Variants in ST6GALNAC3 observed in about 807,000 individuals in gnomAD.
ST6GALNAC3 encodes the protein ST6 N-acetylgalactosaminide alpha-2,6-sialyltransferase 3.
Under a neutral mutation model 32.7 loss-of-function variants are expected in ST6GALNAC3, and 25 were observed. The ratio of observed to expected loss-of-function variants is 0.76; its 90% CI spans 0.56 to 1.07. The LOEUF is 1.07. Among genes scored for constraint, ST6GALNAC3 ranks in the 50% least tolerant of loss-of-function variants. The pLI is 0.00. For missense variants in ST6GALNAC3, 355 were observed against 382.4 expected, an observed-to-expected ratio of 0.93 and a Z score of 0.60; for synonymous variants, 129 against 133.1, an observed-to-expected ratio of 0.97 and a Z score of 0.21.
At chr1:76,236,967 G>A (rs1272543934) in intron 1 of ST6GALNAC3, among the ~76,000 whole-genome samples, 1 of 152,034 alleles carries the variant, frequency 6.6e-6, no homozygotes, top group East Asian at 1.9e-4. Context: ...CTGAACCTGT[G>A]CTAGGAATCC....
At chr1:76,103,759 T>G (rs1385826271) in intron 1 of ST6GALNAC3, among the ~76,000 whole-genome samples, 1 of 152,178 alleles carries the variant, frequency 6.6e-6, no homozygotes, top group Admixed American at 6.5e-5. Context: ...TCTCTGTCCC[T>G]CCATTTCACA....
At chr1:76,366,030 GTCTT>G (rs1650341268) in intron 2 of ST6GALNAC3, among the ~76,000 whole-genome samples, 1 of 152,126 alleles carries the variant, frequency 6.6e-6, no homozygotes, top group Admixed American at 6.5e-5. Context: ...TTCAGACTGA[GTCTT>G]TCTCTTTTCT....
chr1:76,525,681 A>C (rs1209282257), intron 3 of ST6GALNAC3, among the ~76,000 whole-genome samples: 1 of 151,074 alleles, frequency 6.6e-6, no homozygotes, highest in East Asian at 1.9e-4. Flanking sequence ...CTCCTTTGAC[A>C]TTCCACCTGA....
At chr1:76,396,871 T>A (rs541799769) in intron 2 of ST6GALNAC3, among the ~76,000 whole-genome samples, 81 of 152,298 alleles carry the variant, frequency 5.3e-4, no homozygotes, top group Non-Finnish European at 9.4e-4. Flanking sequence ...AAAGTCTGAG[T>A]ATGTTCTTTA....
chr1:76,173,071 C>T (rs1020115477), intron 1 of ST6GALNAC3, among the ~76,000 whole-genome samples: 1 of 152,190 alleles, frequency 6.6e-6, no homozygotes, highest in African/African-American at 2.4e-5. Context: ...CATCATGCCA[C>T]CTGACTTCAA....
chr1:76,591,187 G>T (rs1394472679), intron 3 of ST6GALNAC3, among the ~76,000 whole-genome samples: 2 of 151,972 alleles, frequency 1.3e-5, no homozygotes, highest in Non-Finnish European at 2.9e-5. Flanking sequence ...GCGTATGTGT[G>T]TGTGTGTGTG....
chr1:76,443,375 C>T (rs752554031), intron 3 of ST6GALNAC3, among the ~76,000 whole-genome samples: 1 of 152,182 alleles, frequency 6.6e-6, no homozygotes, highest in Non-Finnish European at 1.5e-5. Flanking sequence ...AAGCCAAAGG[C>T]AGACCTCTAA....
chr1:76,272,882 C>G (rs1380854622), intron 1 of ST6GALNAC3, among the ~76,000 whole-genome samples: 1 of 152,172 alleles, frequency 6.6e-6, no homozygotes, highest in Non-Finnish European at 1.5e-5. Context: ...AAAATGGGAA[C>G]TGAGGGCTAT....
intron 2 of ST6GALNAC3, among the ~76,000 whole-genome samples, chr1:76,360,504 C>T (rs1649843464): frequency 6.6e-6 from 1 of 152,014 alleles, no homozygotes; most frequent in African/African-American, 2.4e-5. Flanking sequence ...AGTTTAGGCC[C>T]CAATTTCAAA....
intron 2 of ST6GALNAC3, among the ~76,000 whole-genome samples, chr1:76,401,357 A>G (rs977287261): frequency 6.6e-6 from 1 of 152,092 alleles, no homozygotes; most frequent in Non-Finnish European, 1.5e-5. Flanking sequence ...CGAATTTCTA[A>G]GTAACTATTT....
chr1:76,528,788 G>T (rs1321151684), intron 3 of ST6GALNAC3, among the ~76,000 whole-genome samples: 1 of 151,178 alleles, frequency 6.6e-6, no homozygotes, highest in Non-Finnish European at 1.5e-5. Context: ...CTTTGTTCAG[G>T]TGGCTGGCAA....
At chr1:76,284,171 T>A (rs1285190578) in intron 1 of ST6GALNAC3, among the ~76,000 whole-genome samples, 1 of 152,160 alleles carries the variant, frequency 6.6e-6, no homozygotes, top group Non-Finnish European at 1.5e-5. Context: ...TGCTCAAAGA[T>A]CTCTGACACC....
At position 76,223,510 on chromosome 1, in the gene ST6GALNAC3, C is replaced by T. The variant is rs1313698823; in HGVS notation, c.19-90295C>T. ...ATCTGTACACCAAAACCCTGTGACA[C>T]ACAGTTTACCTATATACCAAACCTG... On this transcript the variant is annotated intron_variant, in intron 1 of 4. Coordinates refer to ENST00000328299, the MANE Select transcript of ST6GALNAC3 (RefSeq NM_152996.4). 3.3e-5 allele frequency among the ~76,000 whole-genome samples: 5 copies of T among 152,092 alleles called. No individual in the cohort carries two copies. The East Asian group carries it at 9.6e-4, about 29-fold the overall frequency.
At chr1:76,387,351 C>T (rs1288497902) in intron 2 of ST6GALNAC3, among the ~76,000 whole-genome samples, 2 of 152,122 alleles carry the variant, frequency 1.3e-5, no homozygotes, top group Non-Finnish European at 2.9e-5. Context: ...GTGCTCCTTA[C>T]ATATTTGCCA....
chr1:76,598,763 C>T (rs566416641), intron 3 of ST6GALNAC3, among the ~76,000 whole-genome samples: 51 of 152,014 alleles, frequency 3.4e-4, no homozygotes, highest in Admixed American at 1.9e-3. Flanking sequence ...GGTAAGCCTC[C>T]GTTAGACAGA....
intron 3 of ST6GALNAC3, among the ~76,000 whole-genome samples, chr1:76,510,751 G>A (rs141710510): frequency 1.8e-4 from 28 of 152,242 alleles, no homozygotes; most frequent in African/African-American, 3.4e-4. Flanking sequence ...CTGGCTTACC[G>A]GAAACATGCT....
chr1:76,382,114 G>A (rs963698252), intron 2 of ST6GALNAC3, among the ~76,000 whole-genome samples: 4 of 152,120 alleles, frequency 2.6e-5, no homozygotes, highest in Non-Finnish European at 5.9e-5. Flanking sequence ...CCATTCTCTA[G>A]TGGATCAAGA....
intron 3 of ST6GALNAC3, among the ~76,000 whole-genome samples, chr1:76,574,581 A>T (rs1219021137): frequency 6.6e-6 from 1 of 152,008 alleles, no homozygotes; most frequent in Non-Finnish European, 1.5e-5. Context: ...TTTCAAAATG[A>T]TCTTCCTTAT....
chr1:76,128,518 G>A (rs764746043), intron 1 of ST6GALNAC3, among the ~76,000 whole-genome samples: 8 of 152,178 alleles, frequency 5.3e-5, no homozygotes, highest in Non-Finnish European at 8.8e-5. Context: ...CCACTGACTG[G>A]GCAATCCTGG....
Sources: allele counts gnomAD v4.1 joint callset (sites outside exome capture counted in the v4.1 genomes callset), GRCh38; gene constraint gnomAD v4.1.1; transcripts MANE v1.5; gene names NCBI Gene and HGNC (gene_info 2026-07-23, HGNC 2026-07-21).